Variants in GUCY1A2 observed in about 807,000 individuals in gnomAD.
GUCY1A2 encodes the protein guanylate cyclase 1 soluble subunit alpha 2, also known as guanylate cyclase soluble subunit alpha-2.
Under a neutral mutation model 63.5 loss-of-function variants are expected in GUCY1A2, and 27 were observed. That is an observed-to-expected ratio of 0.43 (90% CI 0.31 to 0.59). GUCY1A2 has a LOEUF of 0.59. Among genes scored for constraint, GUCY1A2 ranks in the 20% least tolerant of loss-of-function variants. The pLI is 0.11. For synonymous variants in GUCY1A2, 364 were observed against 343.5 expected (o/e 1.06, Z -0.66); for missense variants, 768 against 913.3 (o/e 0.84, Z 2.05).
At chr11:106,734,821 C>T (rs942895132) in intron 6 of GUCY1A2, among the ~76,000 whole-genome samples, 2 of 151,878 alleles carry the variant, frequency 1.3e-5, no homozygotes, top group South Asian at 2.1e-4. Context: ...TCGATTTTAG[C>T]GGAAGATGAG....
Position 106,862,347 on chromosome 11 carries a change from A to AGAT in GUCY1A2, c.1207-51872_1207-51870dup, listed in dbSNP as rs545148136. Among the ~76,000 whole-genome samples, 3 of 152,152 alleles carry AGAT rather than the reference A, an allele frequency of 2.0e-5. No individual in the cohort carries two copies. The South Asian group carries it at 6.2e-4, about 32-fold the overall frequency. ...TGAGATATAAAAAAAACACATCAAT[A>AGAT]GATAAGTTTCTAGTACAAACAAGGA... is the stretch of plus-strand genomic sequence containing the variant. On this transcript the variant is annotated intron_variant, in intron 4 of 7. Coordinates refer to ENST00000526355, the MANE Select transcript of GUCY1A2 (RefSeq NM_000855.3).
At chr11:106,800,861 C>A (rs1394694352) in intron 5 of GUCY1A2, among the ~76,000 whole-genome samples, 2 of 151,550 alleles carry the variant, frequency 1.3e-5, no homozygotes, top group Non-Finnish European at 2.9e-5. Context: ...ACGTTATGCA[C>A]ATGTACCCTA....
intron 5 of GUCY1A2, among the ~76,000 whole-genome samples, chr11:106,790,595 T>C (rs1864640866): frequency 6.6e-6 from 1 of 152,076 alleles, no homozygotes; most frequent in Non-Finnish European, 1.5e-5. Flanking sequence ...CTGAGATTGC[T>C]GAGTCTCACT....
rs116025286 is a variant in GUCY1A2, at chr11:106,931,119, T to G, written c.1206+8341A>C. Among the ~76,000 whole-genome samples the G allele has an allele frequency of 7.1e-3, 1,086 of 152,312 alleles. 11 individuals carry two copies. The highest frequency in any genetic ancestry group is 0.024 in the African/African-American group (1,008 of 41,576). ...AGACAACTGCATAGGAAGTACCTTT[T>G]AAAGACAATATCATATCTAGAATGT... On this transcript the variant is annotated intron_variant, in intron 4 of 7. Transcript: ENST00000526355.
intron 3 of GUCY1A2, among the ~76,000 whole-genome samples, chr11:106,948,934 T>C (rs1371851116): frequency 1.3e-5 from 2 of 152,170 alleles, no homozygotes; most frequent in East Asian, 3.8e-4. Flanking sequence ...ATAAATATTT[T>C]AGAAGATCTA....
chr11:106,747,158 T>C (rs531313539), intron 6 of GUCY1A2, among the ~76,000 whole-genome samples: 14 of 152,086 alleles, frequency 9.2e-5, no homozygotes, highest in Non-Finnish European at 1.9e-4. Context: ...CAGCTATTTT[T>C]TTTGTATTTT....
intron 7 of GUCY1A2, among the ~76,000 whole-genome samples, chr11:106,688,187 G>A (rs1045645352): frequency 5.4e-4 from 82 of 152,204 alleles, no homozygotes; most frequent in African/African-American, 1.9e-3. Context: ...TTGGTAAACC[G>A]TAAGCTTTAA....
intron 7 of GUCY1A2, among the ~76,000 whole-genome samples, chr11:106,695,562 T>G (rs1565260185): frequency 1.3e-5 from 2 of 152,136 alleles, no homozygotes; most frequent in South Asian, 4.2e-4. Context: ...CCTATTTACC[T>G]TCTTCTTTCT....
At chr11:106,845,031 A>C (rs1363992369) in intron 4 of GUCY1A2, among the ~76,000 whole-genome samples, 2 of 151,638 alleles carry the variant, frequency 1.3e-5, no homozygotes, top group African/African-American at 4.8e-5. Flanking sequence ...CCTTCACCTA[A>C]AGTTACCTCC....
chr11:106,747,952 G>T (rs900094441), intron 6 of GUCY1A2, among the ~76,000 whole-genome samples: 2 of 152,192 alleles, frequency 1.3e-5, no homozygotes, highest in African/African-American at 4.8e-5. Context: ...AGTGCTTGCA[G>T]ATCACTGTGG....
At chr11:106,912,901 C>A (rs1197189200) in intron 4 of GUCY1A2, among the ~76,000 whole-genome samples, 1 of 152,052 alleles carries the variant, frequency 6.6e-6, no homozygotes, top group African/African-American at 2.4e-5. Context: ...GTTTGATCTG[C>A]CTGCTTCCAA....
rs181468551 is a variant in GUCY1A2 at position 106,744,267 on chromosome 11, G to A, written c.1836+32172C>T. Among the ~76,000 whole-genome samples the A allele has an allele frequency of 7.1e-3, 791 of 110,912 alleles. 3 individuals are homozygous for A. The highest frequency in any genetic ancestry group is 0.016 in the South Asian group (54 of 3,390). The allele number at this position is 110,912 out of a possible 152,430, so 72.8% of individuals were successfully genotyped here. ...TGCTTTTTTTTTTTTTTTTTTTTGA[G>A]ACGGAGTCTCGCTCTGTCACCCAGG... On this transcript the variant is annotated intron_variant, in intron 6 of 7. Coordinates refer to ENST00000526355, the MANE Select transcript of GUCY1A2 (RefSeq NM_000855.3).
intron 4 of GUCY1A2, among the ~76,000 whole-genome samples, chr11:106,846,216 T>G (rs1223790629): frequency 6.6e-6 from 1 of 151,576 alleles, no homozygotes; most frequent in African/African-American, 2.4e-5. Context: ...ATAAACTACA[T>G]CTTTGGTAAT....
intron 4 of GUCY1A2, among the ~76,000 whole-genome samples, chr11:106,911,359 A>G (rs761361463): frequency 6.6e-6 from 1 of 152,080 alleles, no homozygotes; most frequent in Non-Finnish European, 1.5e-5. Flanking sequence ...TGTTAAACCC[A>G]CTTTAATCAT....
intron 4 of GUCY1A2, among the ~76,000 whole-genome samples, chr11:106,900,858 G>A (rs1017454013): frequency 1.8e-4 from 28 of 152,188 alleles, no homozygotes; most frequent in African/African-American, 6.5e-4. Context: ...ATGATTATCT[G>A]AGCCTTCAGC....
At chr11:106,900,085 C>CA (rs35314878) in intron 4 of GUCY1A2, among the ~76,000 whole-genome samples, 1,331 of 79,142 alleles carry the variant, frequency 0.017, 15 homozygotes, top group African/African-American at 0.042. Context: ...GACTCCGTCT[C>CA]AAAAAAAAAA....
intron 2 of GUCY1A2, among the ~76,000 whole-genome samples, chr11:106,980,772 A>T (rs560912936): frequency 1.3e-5 from 2 of 152,302 alleles, no homozygotes; most frequent in African/African-American, 4.8e-5. Flanking sequence ...CCTCATTGAG[A>T]TCAGACTCCA....
chr11:106,763,328 T>A (rs1249598706), intron 6 of GUCY1A2, among the ~76,000 whole-genome samples: 1 of 151,730 alleles, frequency 6.6e-6, no homozygotes, highest in African/African-American at 2.4e-5. Context: ...GACTGAGGGG[T>A]CCCGAGAGTG....
chr11:106,750,853 T>C (rs2135384968), intron 6 of GUCY1A2, among the ~76,000 whole-genome samples: 1 of 152,154 alleles, frequency 6.6e-6, no homozygotes, highest in East Asian at 1.9e-4. Flanking sequence ...AAGGTGTCCC[T>C]GGATTACAAG....
Sources: allele counts gnomAD v4.1 joint callset (sites outside exome capture counted in the v4.1 genomes callset), GRCh38; gene constraint gnomAD v4.1.1; transcripts MANE v1.5; gene names NCBI Gene and HGNC (gene_info 2026-07-23, HGNC 2026-07-21).